SDK1: variants seen among roughly 807,000 people sequenced by gnomAD.
SDK1 encodes sidekick cell adhesion molecule 1, also known as protein sidekick-1.
A neutral mutation model predicts 245.5 loss-of-function variants in SDK1; 157 were observed. The ratio of observed to expected loss-of-function variants is 0.64; its 90% CI spans 0.56 to 0.73. The LOEUF (loss-of-function observed/expected upper bound fraction) is 0.73. Among genes scored for constraint, SDK1 ranks in the 30% least tolerant of loss-of-function variants. The pLI is 0.00. For synonymous variants in SDK1, 1,647 were observed against 1,278.5 expected (o/e 1.29, Z -6.15); for missense variants, 3,583 against 3,002.3 (o/e 1.19, Z -4.52).
At chr7:3,559,772 A>AAC (rs1192416565) in intron 1 of SDK1, among the ~76,000 whole-genome samples, 15 of 147,266 alleles carry the variant, frequency 1.0e-4, no homozygotes, top group African/African-American at 3.8e-4. Context: ...AAAAAAAAAA[A>AAC]ACACAAAAAT....
At chr7:3,619,825 G>A (rs1781879670) in intron 2 of SDK1, among the ~76,000 whole-genome samples, 1 of 152,222 alleles carries the variant, frequency 6.6e-6, no homozygotes, top group Non-Finnish European at 1.5e-5. Flanking sequence ...ATGATGTGGG[G>A]ACAGAGGGCC....
chr7:3,532,613 A>G (rs781256818), intron 1 of SDK1, among the ~76,000 whole-genome samples: 1 of 152,194 alleles, frequency 6.6e-6, no homozygotes, highest in Admixed American at 6.5e-5. Flanking sequence ...TATAACTGTC[A>G]TGTTAACTCC....
chr7:3,513,256 T>C (rs946874719), intron 1 of SDK1, among the ~76,000 whole-genome samples: 2 of 152,186 alleles, frequency 1.3e-5, no homozygotes, highest in Non-Finnish European at 2.9e-5. Context: ...GTGGAGAAAC[T>C]GAAGCCTAGA....
intron 5 of SDK1, among the ~76,000 whole-genome samples, chr7:3,831,930 G>A (rs933957894): frequency 2.6e-5 from 4 of 151,886 alleles, no homozygotes; most frequent in African/African-American, 7.3e-5. Context: ...GCATACCTGT[G>A]GCCCCAGCTG....
intron 1 of SDK1, among the ~76,000 whole-genome samples, chr7:3,493,366 G>A (rs893465482): frequency 6.6e-6 from 1 of 152,156 alleles, no homozygotes; most frequent in African/African-American, 2.4e-5. Context: ...TAATCTTTAA[G>A]TCCAGAGCTC....
At chr7:4,009,490 G>C (rs1258348292) in intron 14 of SDK1, among the ~76,000 whole-genome samples, 7 of 152,186 alleles carry the variant, frequency 4.6e-5, no homozygotes, top group Non-Finnish European at 1.0e-4. Context: ...TTCTTCTGTA[G>C]GTAACTGGGA....
At chr7:4,158,000 C>T (rs1035270799) in intron 30 of SDK1, among the ~76,000 whole-genome samples, 3 of 152,158 alleles carry the variant, frequency 2.0e-5, no homozygotes, top group Non-Finnish European at 4.4e-5. Flanking sequence ...CACAAGGGCC[C>T]GGGGAATTAG....
At chr7:3,717,478 TAGAA>T (rs1464483455) in intron 4 of SDK1, among the ~76,000 whole-genome samples, 2 of 152,220 alleles carry the variant, frequency 1.3e-5, no homozygotes, top group African/African-American at 2.4e-5. Flanking sequence ...ATGTGTATAT[TAGAA>T]AGAGGGAAGT....
At chr7:3,539,162 A>G (rs1331668174) in intron 1 of SDK1, among the ~76,000 whole-genome samples, 3 of 152,130 alleles carry the variant, frequency 2.0e-5, no homozygotes, top group Admixed American at 6.6e-5. Flanking sequence ...CATATTTTCT[A>G]TCCCCAAGTT....
chr7:3,611,292 T>A (rs1016442418), intron 1 of SDK1, among the ~76,000 whole-genome samples: 5 of 152,206 alleles, frequency 3.3e-5, no homozygotes, highest in Non-Finnish European at 7.3e-5. Flanking sequence ...CTCTTTTCAC[T>A]GGAGGGAGAA....
intron 4 of SDK1, among the ~76,000 whole-genome samples, chr7:3,736,666 T>C (rs764319115): frequency 5.8e-4 from 88 of 152,298 alleles, no homozygotes; most frequent in Non-Finnish European, 1.1e-3. Context: ...GGTATAGTCA[T>C]ATATATGATT....
At chr7:3,305,009 G>C (rs1779380741) in intron 1 of SDK1, among the ~76,000 whole-genome samples, 1 of 152,182 alleles carries the variant, frequency 6.6e-6, no homozygotes, top group African/African-American at 2.4e-5. Context: ...CACATGGCTT[G>C]ATTTCCCTTT....
At chr7:3,651,652 G>A (rs1460320525) in intron 4 of SDK1, among the ~76,000 whole-genome samples, 1 of 152,136 alleles carries the variant, frequency 6.6e-6, no homozygotes, top group African/African-American at 2.4e-5. Context: ...CTAAGATGAT[G>A]ACTCTTCACA....
intron 4 of SDK1, among the ~76,000 whole-genome samples, chr7:3,714,596 A>G (rs1352109204): frequency 1.3e-5 from 2 of 152,230 alleles, no homozygotes; most frequent in African/African-American, 4.8e-5. Flanking sequence ...ACAGTACACA[A>G]CATCTGAAAA....
chr7:3,352,133 T>C (rs1162201479), intron 1 of SDK1, among the ~76,000 whole-genome samples: 1 of 148,846 alleles, frequency 6.7e-6, no homozygotes, highest in East Asian at 1.9e-4. Flanking sequence ...TATAATTTTA[T>C]AAATATATAA....
chr7:3,740,229 C>T (rs1324605261), intron 4 of SDK1, among the ~76,000 whole-genome samples: 3 of 152,102 alleles, frequency 2.0e-5, no homozygotes, highest in Admixed American at 6.5e-5. Flanking sequence ...TCTGTCATGC[C>T]AGAGGTGAGA....
At chr7:3,698,307 G>T (rs1240127926) in intron 4 of SDK1, among the ~76,000 whole-genome samples, 9 of 152,206 alleles carry the variant, frequency 5.9e-5, no homozygotes, top group Admixed American at 5.9e-4. Flanking sequence ...GGATGGGTGT[G>T]GGGCCAAGGC....
rs929089414 is a variant in SDK1, at chr7:3,927,708, T to C, written c.848-23215T>C. ...TCCAACCTGTTTGCCTGAACATACT[T>C]TGGCCACTTTGGAGTATTCTGCTCA... On this transcript the variant is annotated intron_variant, in intron 5 of 44. Transcript: ENST00000404826. Among the ~76,000 whole-genome samples the C allele has an allele frequency of 2.6e-5, 4 of 152,246 alleles. No individual in the cohort carries two copies. The East Asian group carries it at 5.8e-4, about 22-fold the overall frequency.
At chr7:3,999,752 T>C (rs1169344433) in intron 14 of SDK1, among the ~76,000 whole-genome samples, 2 of 152,204 alleles carry the variant, frequency 1.3e-5, no homozygotes, top group African/African-American at 2.4e-5. Context: ...TAATGTATTT[T>C]TAAGTACAAA....
Sources: gnomAD v4.1 joint callset for allele counts (sites outside exome capture counted in the v4.1 genomes callset) on GRCh38, gnomAD v4.1.1 for gene constraint, MANE v1.5 for transcripts, NCBI Gene and HGNC (gene_info 2026-07-23, HGNC 2026-07-21) for gene names.